Variants in NR4A2 observed in about 807,000 individuals in gnomAD.
NR4A2 encodes nuclear receptor subfamily 4 group A member 2, also known as NGFI-B/nur77 beta-type transcription factor homolog.
In NR4A2, 1 loss-of-function variant was observed where a neutral mutation model predicts 50.5. The ratio of observed to expected loss-of-function variants is 0.02; its 90% confidence interval spans 0.01 to 0.09. The LOEUF (loss-of-function observed/expected upper bound fraction) is 0.09. Ranked by LOEUF, NR4A2 falls within the 10% of genes least tolerant of loss-of-function variation. The probability of loss-of-function intolerance (pLI) is 1.00; values close to 1 mark genes in which losing one functional copy is unlikely to be tolerated. For synonymous variants in NR4A2, 328 were observed against 309.4 expected (o/e 1.06, Z -0.63); for missense variants, 613 against 777.3 (o/e 0.79, Z 2.51).
Position 156,328,063 on chromosome 2 carries a change from G to A in NR4A2, c.995-49C>T. On this transcript the variant is annotated intron_variant, in intron 4 of 7. Transcript: ENST00000339562. The surrounding 1 kb of genome is among the most constrained non-coding windows in gnomAD (Gnocchi z 4.9). ...CGCCGCTTTTCCGAGCCCAGGCCCA[G>A]CTGCTGCCTCGGTCCCTCCCCGGGG... The A allele has an allele frequency of 1.9e-6, 3 of 1,576,014 alleles. No homozygotes were observed. Among genetic ancestry groups the A allele is most frequent in the Non-Finnish European group, 2.6e-6 (3 of 1,159,174 alleles).
rs1008401143 is a variant in NR4A2 at position 156,332,569 on chromosome 2, T to G, written c.-216A>C. The G allele has an allele frequency of 1.7e-6, 2 of 1,173,784 alleles. No individual in the cohort carries two copies. Among genetic ancestry groups the G allele is most frequent in the Non-Finnish European group, 2.3e-6 (2 of 884,904 alleles). 72.7% of individuals were successfully genotyped at this position (1,173,784 alleles called of 1,614,324 possible). On this transcript the variant is annotated 5_prime_UTR_variant, in exon 1 of 8. Coordinates refer to ENST00000339562, the MANE Select transcript of NR4A2 (RefSeq NM_006186.4). ...CCCGGGCGCCGGGGTCGGGTAGGGG[T>G]GGGAGAGCTGGGCGAAGGGAACCCG...
chr2:156,330,928 C>T (rs1686895617), intron 1 of NR4A2, 137 bp from the exon 2 acceptor site: 10 of 640,788 alleles, frequency 1.6e-5, no homozygotes, highest in Non-Finnish European at 2.0e-5. Flanking sequence ...CTTTACCAAA[C>T]ATAGCACTTA....
intron 5 of NR4A2, among the ~76,000 whole-genome samples, chr2:156,327,208 T>C (rs1249708032): frequency 6.6e-6 from 1 of 152,206 alleles, no homozygotes; most frequent in African/African-American, 2.4e-5. Context: ...CATGTTAGTA[T>C]TCATGCTAGT....
In NR4A2 at chr2:156,329,804, G is replaced by T; in HGVS notation, c.383C>A (p.Pro128Gln). The change falls in exon 3 of 8, where the codon CCG (proline) becomes CAG (glutamine). Residue 128 changes from proline (P) to glutamine (Q), a missense_variant. Pro to Gln is a moderately conservative substitution (Grantham distance 76). Around this residue, in one of 4 missense-constraint regions of NR4A2, gnomAD observed 275 missense variants for 248.9 expected, o/e 1.10. Transcript: ENST00000339562. This position sits in a 1 kb window ranked among gnomAD's most constrained non-coding sequence, Gnocchi z 7.5. ...GSVYYKPSSP[P>Q]TPTTPGFQVQ... ...CTGGAAGCCCGGGGTGGTGGGCGTCGGGGGCGAGGAGGGCTTGTAGTAAAC... is the reference window on the plus strand; with the variant it reads ...CTGGAAGCCCGGGGTGGTGGGCGTCTGGGGCGAGGAGGGCTTGTAGTAAAC... 6.2e-7 allele frequency: 1 copy of T among 1,613,532 alleles called. No individual in the cohort carries two copies. The highest frequency in any genetic ancestry group is 8.5e-7 in the Non-Finnish European group (1 of 1,179,558).
Position 156,328,137 on chromosome 2 carries a change from C to A in NR4A2, c.995-123G>T. ...GGCTGAGCGGCTGAGGGCCCCAGTGCTTGTAAAGCCTTCACTGACTAGAAG... is the reference window on the plus strand; with the variant it reads ...GGCTGAGCGGCTGAGGGCCCCAGTGATTGTAAAGCCTTCACTGACTAGAAG... On this transcript the variant is annotated intron_variant, in intron 4 of 7. Coordinates refer to ENST00000339562, the MANE Select transcript of NR4A2 (RefSeq NM_006186.4). This position sits in a 1 kb window ranked among gnomAD's most constrained non-coding sequence, Gnocchi z 4.9. 1 of 1,292,400 alleles carries A rather than the reference C, an allele frequency of 7.7e-7. No homozygotes were observed. Among genetic ancestry groups the A allele is most frequent in the Non-Finnish European group, 1.1e-6 (1 of 920,200 alleles). 80.1% of individuals were successfully genotyped at this position (1,292,400 alleles called of 1,614,324 possible).
At chr2:156,327,094 C>G (rs1334560285) in intron 5 of NR4A2, among the ~76,000 whole-genome samples, 174 bp from the exon 6 acceptor site, 1 of 152,142 alleles carries the variant, frequency 6.6e-6, no homozygotes, top group Non-Finnish European at 1.5e-5. Flanking sequence ...GATGGTGCTA[C>G]GAGGTCGCTG....
intron 5 of NR4A2, 85 bp downstream of exon 5, chr2:156,327,766 A>G: frequency 6.6e-7 from 1 of 1,507,524 alleles, no homozygotes; most frequent in Non-Finnish European, 9.0e-7. Flanking sequence ...CCCCCGTTGA[A>G]TCTGAGAGTT....
Position 156,329,972 on chromosome 2 carries a change from T to G in NR4A2, c.215A>C (p.Asp72Ala). 6.2e-7 allele frequency: 1 copy of G among 1,614,116 alleles called. No homozygotes were observed. The highest frequency in any genetic ancestry group is 8.5e-7 in the Non-Finnish European group (1 of 1,180,018). ...TFMDNYSTGY[D>A]VKPPCLYQMP... ...TTGGTACAAGCAAGGTGGCTTGACG[T>G]CGTAGCCTGTGCTGTAGTTGTCCAT... Residue 72 changes from aspartate to alanine, a missense_variant, in exon 3 of 8, where the codon GAC (aspartate) becomes GCC (alanine). Coordinates refer to ENST00000339562, the MANE Select transcript of NR4A2 (RefSeq NM_006186.4). This position sits in a 1 kb window ranked among gnomAD's most constrained non-coding sequence, Gnocchi z 7.5.
Position 156,325,611 on chromosome 2 carries a change from C to T in NR4A2, c.*133G>A. On this transcript the variant is annotated 3_prime_UTR_variant, in exon 8 of 8. Transcript: ENST00000339562. ...TTGTTTTCTTTAGGGATCAAGGGGGCTAGGAGGGTTACAGAAATGGGGGGC... is the reference window on the plus strand; with the variant it reads ...TTGTTTTCTTTAGGGATCAAGGGGGTTAGGAGGGTTACAGAAATGGGGGGC... 8.7e-7 allele frequency: 1 copy of T among 1,143,260 alleles called. No homozygotes were observed. The highest frequency in any genetic ancestry group is 1.3e-6 in the Non-Finnish European group (1 of 755,466). The allele number at this position is 1,143,260 out of a possible 1,614,324, so 70.8% of individuals were successfully genotyped here. A position where few individuals can be genotyped will look rare whatever the true frequency, so the allele number is the denominator to read the frequency against.
chr2:156,329,318 C>T lies in NR4A2; in HGVS notation c.864+5G>A. ...CCTGCCTACTCCGCTCCCGCCATTG[C>T]TCACCTTAAAGAAGCCTTTGCAGCC... is the stretch of plus-strand genomic sequence containing the variant. On this transcript the variant is annotated splice_donor_5th_base_variant and intron_variant, in intron 3 of 7. Transcript: ENST00000339562. This position sits in a 1 kb window ranked among gnomAD's most constrained non-coding sequence, Gnocchi z 7.5. The T allele has an allele frequency of 6.2e-7, 1 of 1,610,684 alleles. No individual in the cohort carries two copies. Among genetic ancestry groups the T allele is most frequent in the Non-Finnish European group, 8.5e-7 (1 of 1,178,680 alleles).
chr2:156,332,497 C>G lies in NR4A2; in HGVS notation c.-144G>C. The G allele has an allele frequency of 1.6e-6, 2 of 1,289,222 alleles. No homozygotes were observed. Among genetic ancestry groups the G allele is most frequent in the Non-Finnish European group, 2.0e-6 (2 of 988,684 alleles). 79.9% of individuals were successfully genotyped at this position (1,289,222 alleles called of 1,614,324 possible). A position where few individuals can be genotyped will look rare whatever the true frequency, so the allele number is the denominator to read the frequency against. On this transcript the variant is annotated 5_prime_UTR_variant, in exon 1 of 8. Coordinates refer to ENST00000339562, the MANE Select transcript of NR4A2 (RefSeq NM_006186.4). ...CTACTCACTTAGGAGTTCTCCGCGT[C>G]TGTCTTCATTCATTCAACTCTGCCG...
rs1007669803 is a variant in NR4A2 at position 156,326,180 on chromosome 2, A to T, written c.1510T>A (p.Ser504Thr). The change falls in exon 7 of 8, where the codon TCC becomes ACC. Residue 504 changes from serine to threonine, a missense_variant. By Grantham distance (58) the Ser-to-Thr change is moderately conservative (BLOSUM62 1). Around this residue, in one of 4 missense-constraint regions of NR4A2, gnomAD observed 250 missense variants for 311.3 expected, o/e 0.80. Coordinates refer to ENST00000339562, the MANE Select transcript of NR4A2 (RefSeq NM_006186.4). This position sits in a 1 kb window ranked among gnomAD's most constrained non-coding sequence, Gnocchi z 4.2. The part of the protein sequence containing the change: ...QNMNIDISAF[S>T]CIAALAMVTE... ...ACCATAGCCAGGGCAGCAATGCAGGAGAAGGCAGAAATGTCGATGTTCATA... is the reference window on the plus strand; with the variant it reads ...ACCATAGCCAGGGCAGCAATGCAGGTGAAGGCAGAAATGTCGATGTTCATA... 6.2e-7 allele frequency: 1 copy of T among 1,614,132 alleles called. No individual in the cohort carries two copies. The highest frequency in any genetic ancestry group is 8.5e-7 in the Non-Finnish European group (1 of 1,180,062).
At position 156,326,983 on chromosome 2, in the gene NR4A2, C is replaced by T. The variant is rs1686677343; in HGVS notation, c.1159-63G>A. ...CTAAAATATATAACCCGTGAAATTG[C>T]TAACCCCGTTTCTAATAGGGGAGCC... is the stretch of plus-strand genomic sequence containing the variant. On this transcript the variant is annotated intron_variant, in intron 5 of 7. Transcript: ENST00000339562. The surrounding 1 kb of genome is among the most constrained non-coding windows in gnomAD (Gnocchi z 4.2). 6.5e-7 allele frequency: 1 copy of T among 1,527,412 alleles called. No individual in the cohort carries two copies. Among genetic ancestry groups the T allele is most frequent in the East Asian group, 2.2e-5 (1 of 44,464 alleles). 94.6% of individuals were successfully genotyped at this position (1,527,412 alleles called of 1,614,324 possible).
Position 156,330,728 on chromosome 2 carries a change from G to T in NR4A2, c.-63C>A. 1 of 1,257,762 alleles carries T rather than the reference G, an allele frequency of 8.0e-7. No homozygotes were observed. The highest frequency in any genetic ancestry group is 1.0e-6 in the Non-Finnish European group (1 of 1,001,518). 77.9% of individuals were successfully genotyped at this position (1,257,762 alleles called of 1,614,324 possible). A position where few individuals can be genotyped will look rare whatever the true frequency, so the allele number is the denominator to read the frequency against. ...AAGGTGGACAGTGTCGTAATTCAATGAAGGACAAAGTTTCCAAGATTTTTA... is the reference window on the plus strand; with the variant it reads ...AAGGTGGACAGTGTCGTAATTCAATTAAGGACAAAGTTTCCAAGATTTTTA... On this transcript the variant is annotated 5_prime_UTR_variant, in exon 2 of 8. Transcript: ENST00000339562.
At chr2:156,327,783 G>A (rs1435246047) in intron 5 of NR4A2, 68 bp downstream of exon 5, 13 of 1,529,876 alleles carry the variant, frequency 8.5e-6, no homozygotes, top group South Asian at 1.2e-5. Flanking sequence ...AGTTAATGAC[G>A]GATGTGGGGA....
At chr2:156,330,560 C>T (rs1002414982) in intron 2 of NR4A2, 108 bp downstream of exon 2, 25 of 1,214,834 alleles carry the variant, frequency 2.1e-5, no homozygotes, top group Middle Eastern at 2.9e-4. Flanking sequence ...AAGTTGTTCC[C>T]GAAGGCGATG....
In NR4A2 at chr2:156,329,176, T is replaced by C. The variant is rs968405283; in HGVS notation, c.864+147A>G. The C allele has an allele frequency of 8.4e-7, 1 of 1,183,548 alleles. No homozygotes were observed. Among genetic ancestry groups the C allele is most frequent in the African/African-American group, 1.5e-5 (1 of 66,234 alleles). The allele number at this position is 1,183,548 out of a possible 1,614,324, so 73.3% of individuals were successfully genotyped here. ...GTCCCCGCCGCAGCCCATGGTCTCC[T>C]GCAGGGCAGCTTCGGCGGACCCCGG... On this transcript the variant is annotated intron_variant, in intron 3 of 7. Coordinates refer to ENST00000339562, the MANE Select transcript of NR4A2 (RefSeq NM_006186.4). The surrounding 1 kb of genome is among the most constrained non-coding windows in gnomAD (Gnocchi z 7.5).
rs1403265163 is a variant in NR4A2 at position 156,326,279 on chromosome 2, G to T, written c.1411C>A (p.His471Asn). ...KLIFCNGVVLHRLQCVRGFGE... is the reference protein window; with the variant it reads ...KLIFCNGVVLNRLQCVRGFGE... ...AAGCCACGAACGCATTGCAACCTGT[G>T]CAAGACCACCCCATTGCAAAAGATG... The change falls in exon 7 of 8, where the codon CAC (histidine) becomes AAC (asparagine). Residue 471 changes from histidine (H) to asparagine (N), a missense_variant. This residue lies in a region of NR4A2 where 250 missense variants were observed against 311.3 expected (regional missense o/e 0.80). Transcript: ENST00000339562. This position sits in a 1 kb window ranked among gnomAD's most constrained non-coding sequence, Gnocchi z 4.2. 1.2e-6 allele frequency: 2 copies of T among 1,614,214 alleles called. No individual in the cohort carries two copies.
Position 156,325,903 on chromosome 2 carries a change from C to T in NR4A2, c.1638G>A (p.Leu546=), listed in dbSNP as rs528222526. ...GTTTGGACAAATAATTGGGGCGGTT[C>T]AACCCCCCATTGTTGAAAGTCACGT... The part of the protein sequence containing the change: ...KDHVTFNNGG[L]NRPNYLSKLL... The change falls in exon 8 of 8, where the codon TTG becomes TTA. Residue 546 remains leucine, a synonymous_variant. Transcript: ENST00000339562. 3.8e-5 allele frequency: 61 copies of T among 1,614,194 alleles called. No individual in the cohort carries two copies. The South Asian group carries it at 5.8e-4, about 15-fold the overall frequency.
Sources: allele counts gnomAD v4.1 joint callset (sites outside exome capture counted in the v4.1 genomes callset), GRCh38; gene constraint gnomAD v4.1.1; regional missense constraint gnomAD v4.1.1; non-coding constraint Gnocchi (gnomAD v3.1); transcripts MANE v1.5; gene names NCBI Gene and HGNC (gene_info 2026-07-23, HGNC 2026-07-21).